SUCLG2: variants seen among roughly 807,000 people sequenced by gnomAD.
SUCLG2 encodes succinate-CoA ligase GDP-forming subunit beta.
SUCLG2 carries 42 observed loss-of-function variants against 47.9 expected under a neutral mutation model. The ratio of observed to expected loss-of-function variants is 0.88; its 90% CI spans 0.69 to 1.14. The LOEUF (loss-of-function observed/expected upper bound fraction) is 1.14. Ranked by LOEUF, SUCLG2 falls within the 50% of genes most tolerant of loss-of-function variation. SUCLG2 has a pLI of 0.00. For missense variants in SUCLG2, 571 were observed against 525.9 expected (o/e 1.09, Z -0.84); for synonymous variants, 195 against 197.3 (o/e 0.99, Z 0.10).
chr3:67,561,279 T>C (rs1172715273), intron 2 of SUCLG2, among the ~76,000 whole-genome samples: 1 of 151,998 alleles, frequency 6.6e-6, no homozygotes, highest in Admixed American at 6.6e-5. Flanking sequence ...TAATGAACAT[T>C]AAATACCACA....
chr3:67,428,736 C>T (rs563526403), intron 9 of SUCLG2, among the ~76,000 whole-genome samples: 1 of 152,202 alleles, frequency 6.6e-6, no homozygotes, highest in African/African-American at 2.4e-5. Flanking sequence ...CTAGAATAAA[C>T]AGCATAGAGA....
chr3:67,547,345 C>T (rs1042033621), intron 2 of SUCLG2, among the ~76,000 whole-genome samples: 5 of 152,202 alleles, frequency 3.3e-5, no homozygotes, highest in African/African-American at 9.7e-5. Flanking sequence ...TATTTCCTTA[C>T]GGCAGCCAGA....
At chr3:67,376,497 G>A in intron 10 of SUCLG2, 1 of 984,120 alleles carries the variant, frequency 1.0e-6, no homozygotes, top group Non-Finnish European at 1.2e-6. Context: ...ATTTTAGAGT[G>A]AACAACTCCT....
chr3:67,490,131 T>C (rs1169431682), intron 9 of SUCLG2, among the ~76,000 whole-genome samples: 1 of 152,206 alleles, frequency 6.6e-6, no homozygotes, highest in Non-Finnish European at 1.5e-5. Context: ...TCACTGGTTA[T>C]TCAAATCAAC....
intron 10 of SUCLG2, among the ~76,000 whole-genome samples, chr3:67,391,231 G>A (rs1482174746): frequency 1.3e-5 from 2 of 152,098 alleles, no homozygotes; most frequent in Non-Finnish European, 2.9e-5. Flanking sequence ...CATATTCTGT[G>A]TCTTTCGCTT....
intron 9 of SUCLG2, among the ~76,000 whole-genome samples, chr3:67,414,074 C>T (rs1478850641): frequency 6.6e-6 from 1 of 152,090 alleles, no homozygotes; most frequent in Non-Finnish European, 1.5e-5. Context: ...TTCATGATTG[C>T]TTTGAATATC....
chr3:67,585,482 T>C (rs547667913), intron 2 of SUCLG2, among the ~76,000 whole-genome samples: 2 of 152,246 alleles, frequency 1.3e-5, no homozygotes, highest in African/African-American at 4.8e-5. Context: ...ACAAGTTAAG[T>C]ATTATGATGC....
rs1705403746 is a variant in SUCLG2 at position 67,498,261 on chromosome 3, G to A, written c.792C>T (p.Asp264=). 6.2e-7 allele frequency: 1 copy of A among 1,613,620 alleles called. No homozygotes were observed. The highest frequency in any genetic ancestry group is 8.5e-7 in the Non-Finnish European group (1 of 1,179,792). Residue 264 remains aspartate, a synonymous_variant, in exon 8 of 11, where the codon GAC becomes GAT. Coordinates refer to ENST00000307227, the MANE Select transcript of SUCLG2 (RefSeq NM_003848.4). The part of the protein sequence containing the change: ...VCFDAKINFD[D]NAEFRQKDIF... ...TGTCTTTTTGTCGGAATTCTGCGTT[G>A]TCATCAAAGTTTATCTTGGCATCAA...
chr3:67,495,038 A>C lies in SUCLG2; in HGVS notation c.1062+760T>G, dbSNP rs574461057. 2.2e-3 allele frequency among the ~76,000 whole-genome samples: 333 copies of C among 152,304 alleles called. 3 individuals carry two copies. Among genetic ancestry groups the C allele is most frequent in the Non-Finnish European group, 3.3e-3 (226 of 68,022 alleles). ...TAATGGTCAGAGATAAAAATTAGAA[A>C]GCATACAAAAGAAGGTGGGGCCATT... On this transcript the variant is annotated intron_variant, in intron 9 of 10. Coordinates refer to ENST00000307227, the MANE Select transcript of SUCLG2 (RefSeq NM_003848.4).
At chr3:67,538,902 T>C (rs1706621873) in intron 2 of SUCLG2, among the ~76,000 whole-genome samples, 1 of 152,228 alleles carries the variant, frequency 6.6e-6, no homozygotes, top group African/African-American at 2.4e-5. Context: ...TTTTGCACAT[T>C]GACTTTGTAT....
intron 10 of SUCLG2, among the ~76,000 whole-genome samples, chr3:67,360,971 G>A (rs573322427): frequency 8.1e-4 from 123 of 152,262 alleles, no homozygotes; most frequent in Non-Finnish European, 1.5e-3. Context: ...GGAAAACAAC[G>A]TCATCGTCTT....
chr3:67,449,908 C>T (rs1322193274), intron 9 of SUCLG2, among the ~76,000 whole-genome samples: 4 of 152,006 alleles, frequency 2.6e-5, no homozygotes, highest in East Asian at 3.8e-4. Context: ...ACACTGCACT[C>T]GGCCATGCTG....
chr3:67,369,041 C>G (rs914188695), intron 10 of SUCLG2, among the ~76,000 whole-genome samples: 8 of 152,118 alleles, frequency 5.3e-5, no homozygotes, highest in African/African-American at 1.9e-4. Context: ...GGGGGCTCTC[C>G]TGTGCATTGC....
At chr3:67,443,997 T>C (rs1703848139) in intron 9 of SUCLG2, among the ~76,000 whole-genome samples, 1 of 110,000 alleles carries the variant, frequency 9.1e-6, no homozygotes, top group Admixed American at 9.2e-5. Context: ...AGCCGCCCCA[T>C]CCGGGAGGGA....
chr3:67,472,373 T>C (rs1404304274), intron 9 of SUCLG2, among the ~76,000 whole-genome samples: 3 of 152,252 alleles, frequency 2.0e-5, no homozygotes, highest in African/African-American at 7.2e-5. Flanking sequence ...GTGTTAGATC[T>C]AGATTAGGAA....
intron 1 of SUCLG2, among the ~76,000 whole-genome samples, chr3:67,616,664 T>C (rs980682974): frequency 6.6e-6 from 1 of 152,166 alleles, no homozygotes; most frequent in Non-Finnish European, 1.5e-5. Flanking sequence ...TTTAACACAA[T>C]GGTGTAGCCT....
chr3:67,367,851 G>A (rs1469739523), intron 10 of SUCLG2, among the ~76,000 whole-genome samples: 1 of 152,028 alleles, frequency 6.6e-6, no homozygotes, highest in Non-Finnish European at 1.5e-5. Flanking sequence ...TATCTATACA[G>A]ATATGTATCC....
intron 9 of SUCLG2, among the ~76,000 whole-genome samples, chr3:67,488,274 G>A (rs1705112656): frequency 6.6e-6 from 1 of 151,896 alleles, no homozygotes; most frequent in African/African-American, 2.4e-5. Context: ...CTACTAAGTC[G>A]AGCCAATTTC....
At chr3:67,543,551 G>A (rs570716199) in intron 2 of SUCLG2, among the ~76,000 whole-genome samples, 1 of 152,182 alleles carries the variant, frequency 6.6e-6, no homozygotes, top group East Asian at 1.9e-4. Context: ...TGTAGTCCAA[G>A]CTACTCAGGA....
Sources: allele counts gnomAD v4.1 joint callset (sites outside exome capture counted in the v4.1 genomes callset), GRCh38; gene constraint gnomAD v4.1.1; transcripts MANE v1.5; gene names NCBI Gene and HGNC (gene_info 2026-07-23, HGNC 2026-07-21).